The following RHEX variants were observed in gnomAD, a reference collection of about 807,000 sequenced individuals.
RHEX encodes the protein regulator of hemoglobinization and erythroid cell expansion protein.
In RHEX, 18 loss-of-function variants were observed where a neutral mutation model predicts 20.1. The observed-to-expected ratio is 0.90, with a 90% confidence interval of 0.62 to 1.33. The LOEUF is 1.33. RHEX is among the 40% of genes most tolerant of loss of function. The probability of loss-of-function intolerance (pLI) is 0.00; values close to 1 mark genes in which losing one functional copy is unlikely to be tolerated. For missense variants in RHEX, 192 were observed against 214.3 expected (o/e 0.90, Z 0.65); for synonymous variants, 87 against 77.1 (o/e 1.13, Z -0.67).
chr1:206,079,609 G>A (rs1351550747), intron 1 of RHEX, among the ~76,000 whole-genome samples: 1 of 152,118 alleles, frequency 6.6e-6, no homozygotes, highest in African/African-American at 2.4e-5. Flanking sequence ...AGGCTGGAGT[G>A]CAGTGGTGCG....
chr1:206,056,104 A>G (rs1553282585), intron 1 of RHEX, among the ~76,000 whole-genome samples: 2 of 152,264 alleles, frequency 1.3e-5, no homozygotes, highest in African/African-American at 4.8e-5. Context: ...AGTTTGCAAC[A>G]CCTAAACCCC....
chr1:206,075,013 G>A (rs985559238), intron 1 of RHEX, among the ~76,000 whole-genome samples: 2 of 152,192 alleles, frequency 1.3e-5, no homozygotes, highest in Non-Finnish European at 2.9e-5. Flanking sequence ...TACTCACTGT[G>A]TTTTTTTGCT....
intron 1 of RHEX, among the ~76,000 whole-genome samples, chr1:206,093,501 C>T (rs1035588083): frequency 2.5e-4 from 38 of 152,230 alleles, no homozygotes; most frequent in African/African-American, 8.7e-4. Flanking sequence ...GAACTCCCGA[C>T]CTCATGATCC....
At chr1:206,094,799 C>T (rs1360840737) in intron 1 of RHEX, among the ~76,000 whole-genome samples, 1 of 152,136 alleles carries the variant, frequency 6.6e-6, no homozygotes, top group African/African-American at 2.4e-5. Flanking sequence ...CCTTCCACCT[C>T]GCTATCCCAA....
chr1:206,067,430 A>T lies in RHEX; in HGVS notation c.-97+14165A>T, dbSNP rs1553284274. ...AGTTATGAGAGACATTAATGGGTGT[A>T]GGGATAGAGAGATTAAATGAGACCT... On this transcript the variant is annotated intron_variant, in intron 1 of 5. Transcript: ENST00000331555. The surrounding 1 kb of genome is among the most constrained non-coding windows in gnomAD (Gnocchi z 4.6). 6.6e-6 allele frequency among the ~76,000 whole-genome samples: 1 copy of T among 152,250 alleles called. No homozygotes were observed. The highest frequency in any genetic ancestry group is 2.4e-5 in the African/African-American group (1 of 41,460).
intron 1 of RHEX, among the ~76,000 whole-genome samples, chr1:206,082,528 A>AC (rs71568087): frequency 3.3e-5 from 5 of 151,974 alleles, no homozygotes; most frequent in African/African-American, 1.2e-4. Context: ...AAAAAAAAAA[A>AC]AAAAGTTAAT....
In RHEX at chr1:206,070,136, A is replaced by G. The variant is rs146357397; in HGVS notation, c.-97+16871A>G. ...GGGGAGTTCTGGACATTTCTAGCTAAAGCCCAGGGGTCAAGGGAATGATAA... is the reference window on the plus strand; with the variant it reads ...GGGGAGTTCTGGACATTTCTAGCTAGAGCCCAGGGGTCAAGGGAATGATAA... On this transcript the variant is annotated intron_variant, in intron 1 of 5. Coordinates refer to ENST00000331555, the MANE Select transcript of RHEX (RefSeq NM_001007544.4). 2.1e-3 allele frequency among the ~76,000 whole-genome samples: 324 copies of G among 152,254 alleles called. 8 individuals are homozygous for G. Among genetic ancestry groups the G allele is most frequent in the Admixed American group, 0.018 (282 of 15,284 alleles).
At chr1:206,079,805 G>A (rs995378221) in intron 1 of RHEX, among the ~76,000 whole-genome samples, 6 of 152,046 alleles carry the variant, frequency 3.9e-5, no homozygotes, top group Non-Finnish European at 5.9e-5. Flanking sequence ...CTGCCTCTTC[G>A]GCCTCCCAAA....
intron 1 of RHEX, among the ~76,000 whole-genome samples, chr1:206,072,139 G>T (rs34392569): frequency 0.13 from 19,206 of 152,096 alleles, 1,323 homozygotes; most frequent in South Asian, 0.2. Context: ...GATGATCTAG[G>T]TAGGAATTTA....
At chr1:206,053,950 T>C (rs1277686216) in intron 1 of RHEX, among the ~76,000 whole-genome samples, 3 of 152,266 alleles carry the variant, frequency 2.0e-5, no homozygotes, top group Admixed American at 6.5e-5. Flanking sequence ...AAGGTCTTAA[T>C]AGCAAAGGAT....
chr1:206,056,574 A>T (rs1662198721), intron 1 of RHEX: 1 of 152,308 alleles, frequency 6.6e-6, no homozygotes, highest in Non-Finnish European at 1.5e-5. Context: ...TATGTAGCCC[A>T]GGAAATAACC....
chr1:206,097,189 G>A (rs1355940494), intron 1 of RHEX, among the ~76,000 whole-genome samples: 1 of 152,094 alleles, frequency 6.6e-6, no homozygotes, highest in Non-Finnish European at 1.5e-5. Flanking sequence ...GTAATTTCCT[G>A]GAGTCTTTTC....
intron 1 of RHEX, chr1:206,061,724 G>C (rs1440008180): frequency 6.6e-6 from 1 of 152,334 alleles, no homozygotes; most frequent in Non-Finnish European, 1.5e-5. Flanking sequence ...CCCAGAAGGA[G>C]GACGACTTTG....
At chr1:206,101,375 T>C (rs28501417) in intron 5 of RHEX, among the ~76,000 whole-genome samples, 178 bp downstream of exon 5, 27,780 of 152,084 alleles carry the variant, frequency 0.18, 4,084 homozygotes, top group African/African-American at 0.41. Context: ...AACCCATATC[T>C]GCATGGATCA....
chr1:206,079,433 C>A (rs1553285583), intron 1 of RHEX, among the ~76,000 whole-genome samples: 1 of 151,998 alleles, frequency 6.6e-6, no homozygotes, highest in African/African-American at 2.4e-5. Context: ...CTAAAATAAA[C>A]CAAAAAAATT....
chr1:206,054,191 G>T (rs1000756074), intron 1 of RHEX, among the ~76,000 whole-genome samples: 1 of 151,566 alleles, frequency 6.6e-6, no homozygotes, highest in Non-Finnish European at 1.5e-5. Context: ...GTAAATTCTT[G>T]TCCTGAAATA....
At chr1:206,064,764 G>A (rs554928955) in intron 1 of RHEX, among the ~76,000 whole-genome samples, 171 of 152,096 alleles carry the variant, frequency 1.1e-3, no homozygotes, top group Non-Finnish European at 1.8e-3. Flanking sequence ...CCACCGCCCC[G>A]TCTGGGAGGT....
chr1:206,062,568 T>C (rs1377862128), intron 1 of RHEX, among the ~76,000 whole-genome samples: 1 of 152,226 alleles, frequency 6.6e-6, no homozygotes, highest in Non-Finnish European at 1.5e-5. Flanking sequence ...ATCACGTGCA[T>C]GGCTGACTGC....
At position 206,098,189 on chromosome 1, in the gene RHEX, G is replaced by C; in HGVS notation, c.112+8G>C. 1 of 1,592,962 alleles carries C rather than the reference G, an allele frequency of 6.3e-7. No individual in the cohort carries two copies. Among genetic ancestry groups the C allele is most frequent in the Non-Finnish European group, 8.6e-7 (1 of 1,160,792 alleles). ...TGCTCAGCAGGCACATGGGTAACTG[G>C]CTCAGCATCCTCTTCCCTCCTAGTC... On this transcript the variant is annotated splice_region_variant and intron_variant, in intron 3 of 5. Transcript: ENST00000331555.
Sources: gnomAD v4.1 joint callset for allele counts (sites outside exome capture counted in the v4.1 genomes callset) on GRCh38, gnomAD v4.1.1 for gene constraint, Gnocchi (gnomAD v3.1) non-coding constraint, MANE v1.5 for transcripts, NCBI Gene and HGNC (gene_info 2026-07-23, HGNC 2026-07-21) for gene names.